FRMD4A: variants seen among roughly 807,000 people sequenced by gnomAD.
FRMD4A encodes the protein FERM domain-containing protein 4A.
FRMD4A carries 29 observed loss-of-function variants against 129.1 expected under a neutral mutation model. The ratio of observed to expected loss-of-function variants is 0.22; its 90% CI spans 0.17 to 0.31. FRMD4A has a LOEUF of 0.31. FRMD4A is among the 10% of genes least tolerant of loss of function. The pLI, the probability that FRMD4A is intolerant of heterozygous loss-of-function variation, is 1.00. For synonymous variants in FRMD4A, 634 were observed against 571.6 expected (o/e 1.11, Z -1.56); for missense variants, 1,272 against 1,375.8 (o/e 0.92, Z 1.19).
In FRMD4A at chr10:13,657,434, G is replaced by A. The variant is rs754009269; in HGVS notation, c.2155C>T (p.Leu719=). ...SSSLESQGKL[L]GSENDTGSPD... ...CTCCCGGTGTCGTTTTCCGAGCCCA[G>A]GAGCTTGCCCTGGGACTCCAGGCTG... is the stretch of plus-strand genomic sequence containing the variant. Residue 719 remains leucine, a synonymous_variant, in exon 22 of 25, where the codon CTG becomes TTG. Coordinates refer to ENST00000357447, the MANE Select transcript of FRMD4A (RefSeq NM_018027.5). 22 of 1,612,598 alleles carry A rather than the reference G, an allele frequency of 1.4e-5. No individual in the cohort carries two copies. The highest frequency in any genetic ancestry group is 3.3e-5 in the South Asian group (3 of 91,060).
chr10:14,308,404 T>A (rs1017127056), intron 2 of FRMD4A, among the ~76,000 whole-genome samples: 1 of 152,212 alleles, frequency 6.6e-6, no homozygotes, highest in Non-Finnish European at 1.5e-5. Context: ...TATTATTATT[T>A]TTTTTTCTTG....
chr10:13,866,327 C>A (rs1033198775), intron 2 of FRMD4A: 1 of 956,430 alleles, frequency 1.0e-6, no homozygotes, highest in African/African-American at 1.8e-5. Flanking sequence ...ATGTCGGATG[C>A]GGGACAGCAG....
At chr10:13,679,635 C>A (rs2084356669) in intron 15 of FRMD4A, among the ~76,000 whole-genome samples, 1 of 151,108 alleles carries the variant, frequency 6.6e-6, no homozygotes, top group Admixed American at 6.6e-5. Flanking sequence ...CCACGTTCCT[C>A]AAAACAGAGC....
chr10:13,858,667 C>A (rs1379821602), intron 3 of FRMD4A, among the ~76,000 whole-genome samples, 180 bp downstream of exon 3: 1 of 152,154 alleles, frequency 6.6e-6, no homozygotes, highest in Non-Finnish European at 1.5e-5. Flanking sequence ...GGCTGGTGTA[C>A]AGATACAACC....
At chr10:13,878,714 C>A (rs1370208044) in intron 2 of FRMD4A, among the ~76,000 whole-genome samples, 1 of 151,678 alleles carries the variant, frequency 6.6e-6, no homozygotes, top group South Asian at 2.1e-4. Context: ...GATCACGCTA[C>A]TGCACTCCAG....
intron 2 of FRMD4A, among the ~76,000 whole-genome samples, chr10:13,906,066 T>C (rs1478055491): frequency 6.6e-6 from 1 of 152,244 alleles, no homozygotes; most frequent in Non-Finnish European, 1.5e-5. Flanking sequence ...AGGCATAGGC[T>C]GAGCCTCTGC....
intron 2 of FRMD4A, among the ~76,000 whole-genome samples, chr10:14,302,490 A>G (rs1267761905): frequency 1.3e-5 from 2 of 152,250 alleles, no homozygotes; most frequent in African/African-American, 2.4e-5. Context: ...CGAACCAGCT[A>G]TGCAACTTTG....
intron 2 of FRMD4A, among the ~76,000 whole-genome samples, chr10:13,974,400 C>G (rs2095533519): frequency 6.6e-6 from 1 of 152,056 alleles, no homozygotes; most frequent in Non-Finnish European, 1.5e-5. Flanking sequence ...CCTGGTGACA[C>G]CAGCAGCAGA....
rs187985619 is a variant in FRMD4A, at chr10:13,925,791, G to A, written c.46-66879C>T. Among the ~76,000 whole-genome samples, 799 of 151,068 alleles carry A rather than the reference G, an allele frequency of 5.3e-3. 6 individuals are homozygous for A. Among genetic ancestry groups the A allele is most frequent in the Middle Eastern group, 0.017 (5 of 290 alleles). On this transcript the variant is annotated intron_variant, in intron 2 of 24. Coordinates refer to ENST00000357447, the MANE Select transcript of FRMD4A (RefSeq NM_018027.5). ...GTAGAGACAGGGTTTCACCGTGTTA[G>A]CCAGGATGGTCTAGATCTCCTGACC...
At position 14,148,330 on chromosome 10, in the gene FRMD4A, A is replaced by G. The variant is rs568840477; in HGVS notation, c.45+181728T>C. Among the ~76,000 whole-genome samples the G allele has an allele frequency of 2.0e-5, 3 of 152,342 alleles. No individual in the cohort carries two copies. In the South Asian group the frequency reaches 6.2e-4, roughly 32 times the overall value. ...TCTTTTTTATAGAAACTATCATTGCATCTTTCAACATGGTTGACTAAAACA... is the reference window on the plus strand; with the variant it reads ...TCTTTTTTATAGAAACTATCATTGCGTCTTTCAACATGGTTGACTAAAACA... On this transcript the variant is annotated intron_variant, in intron 2 of 24. Transcript: ENST00000357447.
At chr10:13,763,420 G>A (rs1206388824) in intron 6 of FRMD4A, among the ~76,000 whole-genome samples, 1 of 152,100 alleles carries the variant, frequency 6.6e-6, no homozygotes, top group African/African-American at 2.4e-5. Context: ...ATAGTTCCTC[G>A]GTTGTACTAG....
At chr10:14,050,081 T>A (rs1834188062) in intron 2 of FRMD4A, among the ~76,000 whole-genome samples, 1 of 152,198 alleles carries the variant, frequency 6.6e-6, no homozygotes, top group East Asian at 1.9e-4. Flanking sequence ...TTCCTACCTT[T>A]GCTATGCCTC....
At chr10:14,119,032 C>T (rs1346660833) in intron 2 of FRMD4A, among the ~76,000 whole-genome samples, 1 of 152,136 alleles carries the variant, frequency 6.6e-6, no homozygotes, top group African/African-American at 2.4e-5. Flanking sequence ...CTGAGTAGGC[C>T]TTTGTTGGAG....
chr10:13,833,025 T>C (rs746822490), intron 3 of FRMD4A, among the ~76,000 whole-genome samples: 2 of 152,214 alleles, frequency 1.3e-5, no homozygotes, highest in African/African-American at 4.8e-5. Context: ...GTGTACAGTC[T>C]GCCTTCACAC....
intron 2 of FRMD4A, among the ~76,000 whole-genome samples, chr10:14,193,432 C>A (rs952961570): frequency 2.0e-5 from 3 of 151,422 alleles, no homozygotes; most frequent in Non-Finnish European, 2.9e-5. Flanking sequence ...CTTTTTAATT[C>A]TTGGTGTTTT....
At chr10:13,931,674 A>T (rs1026280335) in intron 2 of FRMD4A, among the ~76,000 whole-genome samples, 3 of 151,338 alleles carry the variant, frequency 2.0e-5, no homozygotes, top group Non-Finnish European at 4.4e-5. Context: ...GTGATGGCTC[A>T]TGCTTGTAAT....
At chr10:13,999,229 A>T (rs1040875338) in intron 2 of FRMD4A, among the ~76,000 whole-genome samples, 1 of 151,548 alleles carries the variant, frequency 6.6e-6, no homozygotes, top group Non-Finnish European at 1.5e-5. Context: ...CCTGCTCCTT[A>T]CTCTGCTTTA....
chr10:13,693,763 G>T, intron 15 of FRMD4A, 135 bp downstream of exon 15: 3 of 911,616 alleles, frequency 3.3e-6, no homozygotes, highest in Non-Finnish European at 5.2e-6. Flanking sequence ...TCCCAACCTT[G>T]GTCTGGAAAG....
chr10:14,066,801 G>C (rs1183489076), intron 2 of FRMD4A, among the ~76,000 whole-genome samples: 1 of 152,110 alleles, frequency 6.6e-6, no homozygotes, highest in African/African-American at 2.4e-5. Context: ...AAAAGAAAGA[G>C]AAATTGAGGG....
Sources: gnomAD v4.1 joint callset for allele counts (sites outside exome capture counted in the v4.1 genomes callset) on GRCh38, gnomAD v4.1.1 for gene constraint, MANE v1.5 for transcripts, NCBI Gene and HGNC (gene_info 2026-07-23, HGNC 2026-07-21) for gene names.